The following THADA variants were observed in gnomAD, a reference collection of about 807,000 sequenced individuals.
THADA encodes the protein THADA armadillo repeat containing, also known as tRNA (32-2'-O)-methyltransferase regulator THADA.
Under a neutral mutation model 219.8 loss-of-function variants are expected in THADA, and 213 were observed. That is an observed-to-expected ratio of 0.97 (90% CI 0.87 to 1.09). The LOEUF (loss-of-function observed/expected upper bound fraction) is 1.09, where lower values mean the gene tolerates loss of function less well. Among genes scored for constraint, THADA ranks in the 50% least tolerant of loss-of-function variants. The pLI, the probability that THADA is intolerant of heterozygous loss-of-function variation, is 0.00. For missense variants in THADA, 2,956 were observed against 2,311.3 expected (o/e 1.28, Z -5.72); for synonymous variants, 1,018 against 828.9 (o/e 1.23, Z -3.92).
chr2:43,307,664 A>G (rs1198006758), intron 31 of THADA, among the ~76,000 whole-genome samples: 1 of 152,250 alleles, frequency 6.6e-6, no homozygotes, highest in East Asian at 1.9e-4. Flanking sequence ...ACTAAGCTTA[A>G]AAGCAAGTCT....
At chr2:43,551,982 T>A (rs1441008788) in intron 18 of THADA, 57 bp from the exon 19 acceptor site, 2 of 1,580,514 alleles carry the variant, frequency 1.3e-6, no homozygotes, top group Admixed American at 3.9e-5. Flanking sequence ...ATTTTAAAAA[T>A]GAAAATTAGA....
chr2:43,570,304 C>A, intron 14 of THADA, 84 bp downstream of exon 14: 1 of 1,317,944 alleles, frequency 7.6e-7, no homozygotes, highest in Non-Finnish European at 1.0e-6. Context: ...TACCAAGAGA[C>A]TTCCATTTAT....
At chr2:43,474,365 C>T (rs1410649031) in intron 26 of THADA, among the ~76,000 whole-genome samples, 1 of 152,314 alleles carries the variant, frequency 6.6e-6, no homozygotes, top group East Asian at 1.9e-4. Flanking sequence ...CATGCAGGCT[C>T]TTCCCCTGAG....
At chr2:43,315,857 A>G (rs529917568) in intron 31 of THADA, among the ~76,000 whole-genome samples, 1 of 152,336 alleles carries the variant, frequency 6.6e-6, no homozygotes, top group East Asian at 1.9e-4. Context: ...GAAATGTCAC[A>G]TTGTCTTAAA....
intron 20 of THADA, among the ~76,000 whole-genome samples, chr2:43,541,839 A>G (rs890935281): frequency 6.6e-6 from 1 of 152,190 alleles, no homozygotes; most frequent in Non-Finnish European, 1.5e-5. Context: ...AAAATAAAAC[A>G]CAATATTGTT....
intron 21 of THADA, among the ~76,000 whole-genome samples, chr2:43,528,838 T>C (rs910096487): frequency 2.6e-5 from 4 of 152,234 alleles, no homozygotes; most frequent in Non-Finnish European, 5.9e-5. Flanking sequence ...TATTTATCAT[T>C]GTAACCCTTT....
intron 36 of THADA, among the ~76,000 whole-genome samples, chr2:43,255,416 C>T (rs1479387227): frequency 1.3e-5 from 2 of 152,190 alleles, no homozygotes; most frequent in African/African-American, 4.8e-5. Flanking sequence ...TCTTGGGTTA[C>T]AAGAGGCTTT....
chr2:43,459,822 T>C (rs553057827), intron 26 of THADA, among the ~76,000 whole-genome samples: 5 of 152,136 alleles, frequency 3.3e-5, no homozygotes, highest in Non-Finnish European at 7.4e-5. Context: ...TGTAGACTTG[T>C]TTTTTAAAAA....
chr2:43,390,791 C>G (rs1038145378), intron 29 of THADA, among the ~76,000 whole-genome samples: 3 of 152,174 alleles, frequency 2.0e-5, no homozygotes, highest in African/African-American at 7.2e-5. Context: ...AGTCCAAGCA[C>G]CCAGAACAGT....
intron 21 of THADA, among the ~76,000 whole-genome samples, chr2:43,528,498 C>T (rs1693463533): frequency 6.6e-6 from 1 of 152,058 alleles, no homozygotes; most frequent in Admixed American, 6.6e-5. Flanking sequence ...TAAGTACGAT[C>T]ATTATCTCTA....
intron 31 of THADA, among the ~76,000 whole-genome samples, chr2:43,304,712 C>A (rs1307644293): frequency 6.7e-6 from 1 of 148,338 alleles, no homozygotes; most frequent in East Asian, 1.9e-4. Flanking sequence ...CACTCTGTTG[C>A]CCAGGCTGGA....
intron 20 of THADA, among the ~76,000 whole-genome samples, chr2:43,544,312 G>A (rs1444342841): frequency 6.6e-6 from 1 of 152,200 alleles, no homozygotes; most frequent in African/African-American, 2.4e-5. Flanking sequence ...GTAGCATGAT[G>A]CCTCCAGCTT....
intron 35 of THADA, among the ~76,000 whole-genome samples, chr2:43,282,501 ACTGAAAGCTC>A (rs1205473330): frequency 1.3e-5 from 2 of 152,160 alleles, no homozygotes; most frequent in Non-Finnish European, 2.9e-5. Context: ...CCACAACTAT[ACTGAAAGCTC>A]CTTGGAGGCA....
At chr2:43,485,542 A>C (rs981447534) in intron 25 of THADA, among the ~76,000 whole-genome samples, 2 of 152,186 alleles carry the variant, frequency 1.3e-5, no homozygotes, top group Non-Finnish European at 2.9e-5. Flanking sequence ...CATGCACACA[A>C]CACAGCCTTT....
At chr2:43,529,343 A>G (rs1162195161) in intron 21 of THADA, among the ~76,000 whole-genome samples, 1 of 151,886 alleles carries the variant, frequency 6.6e-6, no homozygotes, top group African/African-American at 2.4e-5. Flanking sequence ...TAATTTTTTA[A>G]TTTTTTGTAG....
At chr2:43,380,666 A>G (rs974418784) in intron 29 of THADA, among the ~76,000 whole-genome samples, 1 of 152,222 alleles carries the variant, frequency 6.6e-6, no homozygotes, top group African/African-American at 2.4e-5. Flanking sequence ...CCTAGTAGCC[A>G]TGAGCATACC....
Position 43,542,976 on chromosome 2 carries a change from C to T in THADA, c.3107-1660G>A, listed in dbSNP as rs1011930217. Among the ~76,000 whole-genome samples the T allele has an allele frequency of 3.2e-4, 48 of 151,402 alleles. No homozygotes were observed. The Middle Eastern group carries it at 0.014, about 43-fold the overall frequency. On this transcript the variant is annotated intron_variant, in intron 20 of 37. Coordinates refer to ENST00000405975, the MANE Select transcript of THADA (RefSeq NM_022065.5). ...TGGTGTGCTGCACCCATTAACTACT[C>T]ATTTAGCATTAGGTATATCTCCTAA...
intron 22 of THADA, among the ~76,000 whole-genome samples, chr2:43,517,999 T>G (rs1574051046): frequency 6.6e-6 from 1 of 152,228 alleles, no homozygotes; most frequent in African/African-American, 2.4e-5. Flanking sequence ...ATTCAGGCCC[T>G]GGCTGAAATA....
rs532384530 is a variant in THADA, at chr2:43,574,793, G to A, written c.1272C>T (p.Leu424=). ...MFKNLLQMHR[L]TVEGADFVPD... ...GGACGAAATCTGCACCTTCCACAGT[G>A]AGCCGGTGCATTTGGAGAAGGTTTT... is the stretch of plus-strand genomic sequence containing the variant. The change falls in exon 11 of 38, where the codon CTC becomes CTT. Residue 424 remains leucine (L), a synonymous_variant. Coordinates refer to ENST00000405975, the MANE Select transcript of THADA (RefSeq NM_022065.5). The A allele has an allele frequency of 8.6e-5, 138 of 1,613,988 alleles. No homozygotes were observed. In the South Asian group the frequency reaches 1.4e-3, roughly 16 times the overall value.
Sources: allele counts gnomAD v4.1 joint callset (sites outside exome capture counted in the v4.1 genomes callset), GRCh38; gene constraint gnomAD v4.1.1; transcripts MANE v1.5; gene names NCBI Gene and HGNC (gene_info 2026-07-23, HGNC 2026-07-21).